The following DCDC1 variants were observed in gnomAD, a reference collection of about 807,000 sequenced individuals.
DCDC1 encodes the protein doublecortin domain-containing protein 1.
Under a neutral mutation model 178.3 loss-of-function variants are expected in DCDC1, and 200 were observed. That is an observed-to-expected ratio of 1.12 (90% CI 1.00 to 1.26). The LOEUF is 1.26. DCDC1 is among the 50% of genes most tolerant of loss of function. DCDC1 has a pLI of 0.00. For missense variants in DCDC1, 1,983 were observed against 1,749.2 expected (o/e 1.13, Z -2.38); for synonymous variants, 690 against 604.8 (o/e 1.14, Z -2.07).
At chr11:30,968,394 T>G (rs1245488961) in intron 20 of DCDC1, among the ~76,000 whole-genome samples, 1 of 151,960 alleles carries the variant, frequency 6.6e-6, no homozygotes, top group Non-Finnish European at 1.5e-5. Flanking sequence ...TTTGCTTTCT[T>G]CAGTTTCAGA....
chr11:31,363,968 C>A lies in DCDC1; in HGVS notation c.-125+5729G>T, dbSNP rs527288675. ...CTTTGAATTTTGATCTCTTCCCAGG[C>A]TAGTGATAGTTAGTAAAATAATTTC... On this transcript the variant is annotated intron_variant, in intron 1 of 38. Transcript: ENST00000684477. 2.3e-4 allele frequency among the ~76,000 whole-genome samples: 35 copies of A among 152,186 alleles called. No individual in the cohort carries two copies. In the South Asian group the frequency reaches 7.3e-3, roughly 32 times the overall value.
intron 1 of DCDC1, among the ~76,000 whole-genome samples, chr11:31,364,306 A>T (rs1477466688): frequency 6.6e-6 from 1 of 152,164 alleles, no homozygotes; most frequent in African/African-American, 2.4e-5. Context: ...CACAAATTTC[A>T]GTGTAGTTGG....
At chr11:31,270,845 C>T (rs1466115378) in intron 7 of DCDC1, among the ~76,000 whole-genome samples, 1 of 152,198 alleles carries the variant, frequency 6.6e-6, no homozygotes, top group Non-Finnish European at 1.5e-5. Flanking sequence ...ACTTTTACTA[C>T]ACATAGCTTG....
At chr11:31,001,810 A>G (rs1419435793) in intron 20 of DCDC1, among the ~76,000 whole-genome samples, 2 of 152,210 alleles carry the variant, frequency 1.3e-5, no homozygotes, top group South Asian at 2.1e-4. Flanking sequence ...AGGTACATTG[A>G]AGGTGACAGC....
At chr11:31,323,215 A>T (rs2137801156) in intron 3 of DCDC1, among the ~76,000 whole-genome samples, 1 of 152,326 alleles carries the variant, frequency 6.6e-6, no homozygotes, top group Non-Finnish European at 1.5e-5. Flanking sequence ...CTTAAGCAGG[A>T]AACGCGGCTA....
chr11:30,881,304 A>C lies in DCDC1; in HGVS notation c.5087T>G (p.Leu1696Arg), dbSNP rs1329665112. Residue 1696 changes from leucine to arginine, a missense_variant, in exon 37 of 39, where the codon CTG becomes CGG. Physicochemically the swap from Leu to Arg is moderately radical, Grantham distance 102. Transcript: ENST00000684477. ...TTTGAGACGAGAGGAGCAGTCTTGC[A>C]GCAGCTGAGACACAGAGGGACAGCC... ...YAWGKTISEL[L>R]QDCSSRLKMT... The C allele has an allele frequency of 6.2e-7, 1 of 1,612,998 alleles. No individual in the cohort carries two copies. Among genetic ancestry groups the C allele is most frequent in the Non-Finnish European group, 8.5e-7 (1 of 1,179,418 alleles).
intron 3 of DCDC1, among the ~76,000 whole-genome samples, chr11:31,324,267 A>C (rs1949528812): frequency 6.6e-6 from 1 of 152,018 alleles, no homozygotes. Flanking sequence ...TCATAAAGAC[A>C]CATCTGAGCA....
intron 36 of DCDC1, among the ~76,000 whole-genome samples, chr11:30,890,389 C>G (rs273571): frequency 0.68 from 104,049 of 152,044 alleles, 35,961 homozygotes; most frequent in Middle Eastern, 0.8. Context: ...CCTTGCTAAC[C>G]ATTTTTCTGC....
At chr11:31,119,650 A>G (rs961347600) in intron 11 of DCDC1, among the ~76,000 whole-genome samples, 4 of 152,188 alleles carry the variant, frequency 2.6e-5, no homozygotes, top group African/African-American at 9.7e-5. Flanking sequence ...GCTTTCTATT[A>G]ATACAAATGA....
chr11:30,950,240 G>A (rs1948337367), intron 21 of DCDC1, among the ~76,000 whole-genome samples: 1 of 152,162 alleles, frequency 6.6e-6, no homozygotes, highest in Non-Finnish European at 1.5e-5. Context: ...ACCCTACACT[G>A]TTGGTGGGAA....
intron 29 of DCDC1, among the ~76,000 whole-genome samples, chr11:30,907,227 C>T (rs1013268924): frequency 1.3e-5 from 2 of 152,036 alleles, no homozygotes; most frequent in African/African-American, 4.8e-5. Context: ...ACAAATAAAC[C>T]CCAAGCAAAT....
intron 20 of DCDC1, among the ~76,000 whole-genome samples, chr11:30,981,217 T>C (rs1399398431): frequency 6.6e-6 from 1 of 152,040 alleles, no homozygotes; most frequent in Non-Finnish European, 1.5e-5. Context: ...GAGCGAGGGT[T>C]GAAAAATTAC....
chr11:30,964,428 T>C (rs1949303651), intron 20 of DCDC1, among the ~76,000 whole-genome samples: 1 of 152,148 alleles, frequency 6.6e-6, no homozygotes, highest in Admixed American at 6.6e-5. Context: ...TGTATTGACA[T>C]GGCATAGATC....
intron 17 of DCDC1, among the ~76,000 whole-genome samples, chr11:31,083,107 GT>G (rs1160932607): frequency 6.6e-6 from 1 of 152,092 alleles, no homozygotes; most frequent in East Asian, 1.9e-4. Flanking sequence ...AGCAGCGTGT[GT>G]TTTTAACCTA....
chr11:31,223,932 T>C (rs992486096), intron 9 of DCDC1, among the ~76,000 whole-genome samples: 1 of 151,960 alleles, frequency 6.6e-6, no homozygotes, highest in Non-Finnish European at 1.5e-5. Flanking sequence ...CAATCCCACA[T>C]GTTGTGGGAA....
At chr11:31,207,560 C>T (rs541159337) in intron 9 of DCDC1, among the ~76,000 whole-genome samples, 4 of 152,308 alleles carry the variant, frequency 2.6e-5, no homozygotes, top group South Asian at 2.1e-4. Context: ...TTCCCTGTTA[C>T]ATCGGATGAA....
intron 9 of DCDC1, among the ~76,000 whole-genome samples, chr11:31,224,314 G>GTC (rs1399787759): frequency 6.6e-6 from 1 of 151,924 alleles, no homozygotes. Flanking sequence ...GCCACATGTA[G>GTC]AAGAGTAAAA....
chr11:30,945,736 C>A (rs960496702), intron 21 of DCDC1, among the ~76,000 whole-genome samples: 4 of 145,810 alleles, frequency 2.7e-5, no homozygotes, highest in African/African-American at 1.1e-4. Flanking sequence ...ATCTATCTAT[C>A]TATCTATCTA....
intron 7 of DCDC1, among the ~76,000 whole-genome samples, chr11:31,276,044 G>A (rs1405055317): frequency 6.6e-6 from 1 of 152,198 alleles, no homozygotes; most frequent in African/African-American, 2.4e-5. Flanking sequence ...CTGGAATTCT[G>A]TCATACTATG....
Sources: allele counts gnomAD v4.1 joint callset (sites outside exome capture counted in the v4.1 genomes callset), GRCh38; gene constraint gnomAD v4.1.1; transcripts MANE v1.5; gene names NCBI Gene and HGNC (gene_info 2026-07-23, HGNC 2026-07-21).